Variants in PITPNM3 observed in about 807,000 individuals in gnomAD.
PITPNM3 encodes the protein membrane-associated phosphatidylinositol transfer protein 3.
A neutral mutation model predicts 102.0 loss-of-function variants in PITPNM3; 26 were observed. The ratio of observed to expected loss-of-function variants is 0.25; its 90% CI spans 0.19 to 0.35. The LOEUF is 0.35. Among genes scored for constraint, PITPNM3 ranks in the 10% least tolerant of loss-of-function variants. The probability of loss-of-function intolerance (pLI) is 1.00; values close to 1 mark genes in which losing one functional copy is unlikely to be tolerated. For missense variants in PITPNM3, 1,083 were observed against 1,346.1 expected (o/e 0.80, Z 3.06); for synonymous variants, 578 against 558.6 (o/e 1.03, Z -0.49).
At chr17:6,552,726 C>A (rs1477754583) in intron 1 of PITPNM3, among the ~76,000 whole-genome samples, 1 of 152,072 alleles carries the variant, frequency 6.6e-6, no homozygotes, top group Non-Finnish European at 1.5e-5. Flanking sequence ...GCCACTACCC[C>A]CACCTGGAAG....
intron 1 of PITPNM3, among the ~76,000 whole-genome samples, chr17:6,549,371 A>G (rs1243652238): frequency 6.6e-6 from 1 of 152,196 alleles, no homozygotes; most frequent in African/African-American, 2.4e-5. Context: ...GCCTGGCCCA[A>G]TCTGAGCTGT....
chr17:6,465,123 G>T (rs1199254230), intron 14 of PITPNM3, among the ~76,000 whole-genome samples: 1 of 152,182 alleles, frequency 6.6e-6, no homozygotes, highest in Non-Finnish European at 1.5e-5. Context: ...CGCAATCTCG[G>T]CTCACCGCAA....
Position 6,469,389 on chromosome 17 carries a change from C to G in PITPNM3, c.1773+871G>C, listed in dbSNP as rs1042271913. On this transcript the variant is annotated intron_variant, in intron 13 of 19. Coordinates refer to ENST00000262483, the MANE Select transcript of PITPNM3 (RefSeq NM_031220.4). This position sits in a 1 kb window ranked among gnomAD's most constrained non-coding sequence, Gnocchi z 4.0. ...TGGGTGCCACCGGGCTGGGGACCCA[C>G]CCCCAGCCCAGCACACTCTCTCCCA... is the stretch of plus-strand genomic sequence containing the variant. 1.2e-4 allele frequency among the ~76,000 whole-genome samples: 18 copies of G among 151,678 alleles called. No homozygotes were observed. Among genetic ancestry groups the G allele is most frequent in the African/African-American group, 3.4e-4 (14 of 41,280 alleles).
chr17:6,486,957 A>G (rs544542681), intron 4 of PITPNM3, among the ~76,000 whole-genome samples: 24 of 152,278 alleles, frequency 1.6e-4, no homozygotes, highest in Admixed American at 1.5e-3. Context: ...CACGTACCTT[A>G]AAGGTTAAAG....
intron 14 of PITPNM3, among the ~76,000 whole-genome samples, chr17:6,467,089 A>AC (rs1202384568): frequency 1.3e-5 from 2 of 150,380 alleles, no homozygotes; most frequent in Non-Finnish European, 1.5e-5. Context: ...ACCAAAAAAA[A>AC]AAAACAGGTG....
At chr17:6,492,232 T>A (rs1369889828) in intron 4 of PITPNM3, among the ~76,000 whole-genome samples, 1 of 151,744 alleles carries the variant, frequency 6.6e-6, no homozygotes, top group Non-Finnish European at 1.5e-5. Flanking sequence ...GCCCAGCTAA[T>A]TTTTGTATTT....
At chr17:6,521,734 C>T (rs1194932569) in intron 3 of PITPNM3, among the ~76,000 whole-genome samples, 2 of 151,896 alleles carry the variant, frequency 1.3e-5, no homozygotes, top group Non-Finnish European at 1.5e-5. Context: ...AATCCAGAGA[C>T]GAAAGCAGAA....
chr17:6,548,286 C>T (rs1910134458), intron 1 of PITPNM3, among the ~76,000 whole-genome samples: 1 of 152,198 alleles, frequency 6.6e-6, no homozygotes, highest in Non-Finnish European at 1.5e-5. Flanking sequence ...AGCACAGTGC[C>T]AGGAATTGCC....
chr17:6,471,027 GC>G, intron 12 of PITPNM3, 133 bp downstream of exon 12: 5 of 1,039,860 alleles, frequency 4.8e-6, no homozygotes, highest in South Asian at 1.5e-5. Context: ...GCAGAAGCAA[GC>G]CCCCAGGACT....
At position 6,459,686 on chromosome 17, in the gene PITPNM3, T is replaced by C. The variant is rs147694356; in HGVS notation, c.2490+1687A>G. Among the ~76,000 whole-genome samples, 3 of 152,286 alleles carry C rather than the reference T, an allele frequency of 2.0e-5. No individual in the cohort carries two copies. The highest frequency in any genetic ancestry group is 3.9e-4 in the East Asian group (2 of 5,178). The stretch of plus-strand genomic sequence containing the variant: ...ATGGAGTCCCTACCATGTGGCATCA[T>C]CACCCCCAATGCAGAAGCTATATTG... On this transcript the variant is annotated intron_variant, in intron 18 of 19. Coordinates refer to ENST00000262483, the MANE Select transcript of PITPNM3 (RefSeq NM_031220.4). The surrounding 1 kb of genome is among the most constrained non-coding windows in gnomAD (Gnocchi z 5.0).
At chr17:6,467,438 C>A (rs938961798) in intron 14 of PITPNM3, among the ~76,000 whole-genome samples, 1 of 152,182 alleles carries the variant, frequency 6.6e-6, no homozygotes, top group Non-Finnish European at 1.5e-5. Context: ...AATGGTTGCA[C>A]ACATCTGTGA....
At chr17:6,486,098 C>T (rs1221483422) in intron 4 of PITPNM3, among the ~76,000 whole-genome samples, 1 of 152,164 alleles carries the variant, frequency 6.6e-6, no homozygotes, top group Non-Finnish European at 1.5e-5. Context: ...AACAGCCACC[C>T]CTGAGCCCCC....
chr17:6,471,018 C>A (rs895618243), intron 12 of PITPNM3, 143 bp downstream of exon 12: 1 of 960,900 alleles, frequency 1.0e-6, no homozygotes, highest in East Asian at 2.6e-5. Flanking sequence ...TCTCTAAAGG[C>A]AGAAGCAAGC....
Position 6,470,509 on chromosome 17 carries a change from C to G in PITPNM3, c.1625-101G>C. ...GCACAGACTGGTGGTGGATGCCCCA[C>G]GTGGGGCACGGGTTTGGGCGGGAGC... On this transcript the variant is annotated intron_variant, in intron 12 of 19. Transcript: ENST00000262483. This position sits in a 1 kb window ranked among gnomAD's most constrained non-coding sequence, Gnocchi z 4.8. The G allele has an allele frequency of 6.6e-7, 1 of 1,523,090 alleles. No individual in the cohort carries two copies. The highest frequency in any genetic ancestry group is 9.1e-7 in the Non-Finnish European group (1 of 1,104,802). The allele number at this position is 1,523,090 out of a possible 1,614,324, so 94.3% of individuals were successfully genotyped here.
chr17:6,478,120 T>G lies in PITPNM3; in HGVS notation c.778-23A>C. On this transcript the variant is annotated intron_variant, in intron 7 of 19. Transcript: ENST00000262483. This position sits in a 1 kb window ranked among gnomAD's most constrained non-coding sequence, Gnocchi z 4.4. ...CACCTGGAAGAGATGCAGCTGGGAC[T>G]GCAGGCCTGCCCACTGCTGACCCCT... is the stretch of plus-strand genomic sequence containing the variant. 1.2e-6 allele frequency: 2 copies of G among 1,612,204 alleles called. No individual in the cohort carries two copies.
rs1905202911 is a variant in PITPNM3 at position 6,474,428 on chromosome 17, C to T, written c.1258+4G>A. 1 of 1,613,078 alleles carries T rather than the reference C, an allele frequency of 6.2e-7. No homozygotes were observed. Among genetic ancestry groups the T allele is most frequent in the Non-Finnish European group, 8.5e-7 (1 of 1,179,836 alleles). ...CCTCAGGCCCCAGCCCACACCATCC[C>T]TACCGTCCAGCCCAGGCAGCACCGT... is the stretch of plus-strand genomic sequence containing the variant. On this transcript the variant is annotated splice_donor_region_variant and intron_variant, in intron 10 of 19. Coordinates refer to ENST00000262483, the MANE Select transcript of PITPNM3 (RefSeq NM_031220.4).
intron 1 of PITPNM3, among the ~76,000 whole-genome samples, chr17:6,541,333 G>A (rs1041970236): frequency 5.4e-5 from 8 of 148,280 alleles, no homozygotes; most frequent in Non-Finnish European, 1.2e-4. Context: ...ATCTGCTTGT[G>A]CACATACATG....
At chr17:6,497,917 C>T (rs1446122307) in intron 4 of PITPNM3, among the ~76,000 whole-genome samples, 4 of 152,196 alleles carry the variant, frequency 2.6e-5, no homozygotes, top group Non-Finnish European at 5.9e-5. Flanking sequence ...CGGAGCCCTG[C>T]CCCTCGTGGA....
intron 14 of PITPNM3, 54 bp from the exon 15 acceptor site, chr17:6,464,825 C>T: frequency 6.5e-7 from 1 of 1,546,520 alleles, no homozygotes; most frequent in Non-Finnish European, 8.9e-7. Context: ...CTCAACCTTG[C>T]TTTATCATTG....
Sources: allele counts gnomAD v4.1 joint callset (sites outside exome capture counted in the v4.1 genomes callset), GRCh38; gene constraint gnomAD v4.1.1; non-coding constraint Gnocchi (gnomAD v3.1); transcripts MANE v1.5; gene names NCBI Gene and HGNC (gene_info 2026-07-23, HGNC 2026-07-21).